The following NUDT4 variants were observed in gnomAD, a reference collection of about 807,000 sequenced individuals.
The protein encoded by NUDT4 is diphosphoinositol polyphosphate phosphohydrolase 2.
Under a neutral mutation model 23.1 loss-of-function variants are expected in NUDT4, and 5 were observed. The ratio of observed to expected loss-of-function variants is 0.22; its 90% CI spans 0.11 to 0.46. The LOEUF (loss-of-function observed/expected upper bound fraction) is 0.46. NUDT4 is among the 20% of genes least tolerant of loss of function. NUDT4 has a pLI of 0.99. For synonymous variants in NUDT4, 50 were observed against 79.0 expected (o/e 0.63, Z 1.95); for missense variants, 96 against 211.6 (o/e 0.45, Z 3.39).
At position 93,406,467 on chromosome 12, in the gene NUDT4, T is replaced by A. The variant is rs775876619; in HGVS notation, c.*7088T>A. 7.2e-5 allele frequency: 11 copies of A among 152,058 alleles called. No homozygotes were observed. Among genetic ancestry groups the A allele is most frequent in the Non-Finnish European group, 1.5e-4 (10 of 68,012 alleles). The allele number at this position is 152,058 out of a possible 1,614,324, so 9.4% of individuals were successfully genotyped here. ...AGCACCTGTGACTTTTATCTGTTGG[T>A]TTGTATTTAATCTTATTTTTAAGTG... On this transcript the variant is annotated 3_prime_UTR_variant, in exon 5 of 5. Coordinates refer to ENST00000415493, the MANE Select transcript of NUDT4 (RefSeq NM_019094.6).
At chr12:93,393,717 T>TA (rs1171551647) in intron 1 of NUDT4, among the ~76,000 whole-genome samples, 1 of 152,170 alleles carries the variant, frequency 6.6e-6, no homozygotes, top group Non-Finnish European at 1.5e-5. Context: ...AGCTGCCTGT[T>TA]AGAAGAATGA....
intron 2 of NUDT4, among the ~76,000 whole-genome samples, chr12:93,394,920 C>T (rs1160870634): frequency 6.6e-6 from 1 of 152,068 alleles, no homozygotes; most frequent in African/African-American, 2.4e-5. Flanking sequence ...GCGATCTTGG[C>T]TCACTGCCAC....
At chr12:93,398,281 G>T (rs569379826) in intron 3 of NUDT4, among the ~76,000 whole-genome samples, 4 of 150,538 alleles carry the variant, frequency 2.7e-5, no homozygotes, top group Non-Finnish European at 5.9e-5. Flanking sequence ...CAGAGATTGT[G>T]GGGGAGCTGA....
chr12:93,391,384 G>A (rs1292970641), intron 1 of NUDT4, among the ~76,000 whole-genome samples: 1 of 151,786 alleles, frequency 6.6e-6, no homozygotes, highest in African/African-American at 2.4e-5. Context: ...GGCCAACGTG[G>A]CGAAACCCCA....
rs1217941982 is a variant in NUDT4, at chr12:93,401,512, ATTTAT to A, written c.*2139_*2143del. The A allele has an allele frequency of 6.7e-6, 1 of 150,374 alleles. No individual in the cohort carries two copies. The highest frequency in any genetic ancestry group is 1.5e-5 in the Non-Finnish European group (1 of 67,116). The allele number at this position is 150,374 out of a possible 1,614,324, so 9.3% of individuals were successfully genotyped here. On this transcript the variant is annotated 3_prime_UTR_variant, in exon 5 of 5. Coordinates refer to ENST00000415493, the MANE Select transcript of NUDT4 (RefSeq NM_019094.6). ...GAGGTAATAAGGTAATGATGCATGA[ATTTAT>A]TTTATAAACTCTTGGACTATGTATT...
intron 1 of NUDT4, among the ~76,000 whole-genome samples, chr12:93,391,951 TCGGCTCA>T (rs1876539950): frequency 6.6e-6 from 1 of 152,120 alleles, no homozygotes; most frequent in South Asian, 2.1e-4. Context: ...TGGTGCAGTC[TCGGCTCA>T]CTGCAACCTT....
intron 4 of NUDT4, 77 bp from the exon 5 acceptor site, chr12:93,399,100 G>T: frequency 2.0e-6 from 2 of 998,400 alleles, no homozygotes; most frequent in Non-Finnish European, 3.2e-6. Context: ...CATTTATCGG[G>T]GAGTAAGTGG....
At chr12:93,398,562 C>T (rs1877110179) in intron 3 of NUDT4, among the ~76,000 whole-genome samples, 1 of 152,074 alleles carries the variant, frequency 6.6e-6, no homozygotes, top group Non-Finnish European at 1.5e-5. Flanking sequence ...AATGATGAAG[C>T]TCTAGTTCTA....
At position 93,405,607 on chromosome 12, in the gene NUDT4, T is replaced by C. The variant is rs1382172893; in HGVS notation, c.*6228T>C. On this transcript the variant is annotated 3_prime_UTR_variant, in exon 5 of 5. Coordinates refer to ENST00000415493, the MANE Select transcript of NUDT4 (RefSeq NM_019094.6). Reference sequence around the variant, plus strand: ...TACCATAAAGCCAACTCTTGGAATATACCTGACTTCCACGATAAAATGGAG... The same window carrying C: ...TACCATAAAGCCAACTCTTGGAATACACCTGACTTCCACGATAAAATGGAG... 4 of 152,192 alleles carry C rather than the reference T, an allele frequency of 2.6e-5. No homozygotes were observed. Among genetic ancestry groups the C allele is most frequent in the Admixed American group, 2.6e-4 (4 of 15,270 alleles). The allele number at this position is 152,192 out of a possible 1,614,324, so 9.4% of individuals were successfully genotyped here. A position where few individuals can be genotyped will look rare whatever the true frequency, so the allele number is the denominator to read the frequency against.
chr12:93,383,519 A>G (rs1384523879), intron 1 of NUDT4, among the ~76,000 whole-genome samples: 1 of 152,224 alleles, frequency 6.6e-6, no homozygotes, highest in Non-Finnish European at 1.5e-5. Flanking sequence ...TTGGAAAGAA[A>G]GAATAGCAAC....
rs1006018059 is a variant in NUDT4 at position 93,403,882 on chromosome 12, C to G, written c.*4503C>G. On this transcript the variant is annotated 3_prime_UTR_variant, in exon 5 of 5. Transcript: ENST00000415493. ...GGCCATTAAGGCCTATCTTAGCAAGCAAGACATTATAGCAAAGACCTAAAC... is the reference window on the plus strand; with the variant it reads ...GGCCATTAAGGCCTATCTTAGCAAGGAAGACATTATAGCAAAGACCTAAAC... The G allele has an allele frequency of 5.3e-5, 8 of 152,146 alleles. No homozygotes were observed. Among genetic ancestry groups the G allele is most frequent in the Admixed American group, 2.6e-4 (4 of 15,278 alleles). The allele number at this position is 152,146 out of a possible 1,614,324, so 9.4% of individuals were successfully genotyped here.
In NUDT4 at chr12:93,399,491, A is replaced by G; in HGVS notation, c.*112A>G. The G allele has an allele frequency of 4.4e-6, 2 of 454,822 alleles. No individual in the cohort carries two copies. Among genetic ancestry groups the G allele is most frequent in the Non-Finnish European group, 7.5e-6 (2 of 265,708 alleles). The allele number at this position is 454,822 out of a possible 1,614,324, so 28.2% of individuals were successfully genotyped here. ...TGCAAACTGTCTGAATTTGCCATGCAAGGTTTTCAAACAATTTGCATGTTT... is the reference window on the plus strand; with the variant it reads ...TGCAAACTGTCTGAATTTGCCATGCGAGGTTTTCAAACAATTTGCATGTTT... On this transcript the variant is annotated 3_prime_UTR_variant, in exon 5 of 5. Transcript: ENST00000415493.
intron 3 of NUDT4, among the ~76,000 whole-genome samples, chr12:93,395,749 T>G (rs2120954413): frequency 6.6e-6 from 1 of 152,220 alleles, no homozygotes; most frequent in Admixed American, 6.5e-5. Context: ...TAAGACAGAG[T>G]CTCGCTCTGT....
At chr12:93,386,613 T>C (rs1592717929) in intron 1 of NUDT4, among the ~76,000 whole-genome samples, 2 of 152,044 alleles carry the variant, frequency 1.3e-5, no homozygotes, top group African/African-American at 4.8e-5. Context: ...TAGTTGAGTT[T>C]TCCCACAGAG....
At chr12:93,398,438 T>TTTTTG (rs1877099840) in intron 3 of NUDT4, among the ~76,000 whole-genome samples, 1 of 151,626 alleles carries the variant, frequency 6.6e-6, no homozygotes, top group Admixed American at 6.6e-5. Context: ...GTAAGCTCAG[T>TTTTTG]TTTTGGGAAG....
At position 93,404,920 on chromosome 12, in the gene NUDT4, T is replaced by TAA. The variant is rs66529827; in HGVS notation, c.*5548_*5549dup. 9.2e-5 allele frequency: 13 copies of TAA among 140,688 alleles called. No individual in the cohort carries two copies. The highest frequency in any genetic ancestry group is 2.6e-4 in the African/African-American group (10 of 39,154). 8.7% of individuals were successfully genotyped at this position (140,688 alleles called of 1,614,324 possible). Reference sequence around the variant, plus strand: ...TTAATGTTTTAGGTTTTTTTTTTTTTAAAAAAAATACTATGCCCATTTGTT... The same window carrying TAA: ...TTAATGTTTTAGGTTTTTTTTTTTTTAAAAAAAAAATACTATGCCCATTTGTT... On this transcript the variant is annotated 3_prime_UTR_variant, in exon 5 of 5. Coordinates refer to ENST00000415493, the MANE Select transcript of NUDT4 (RefSeq NM_019094.6).
chr12:93,381,767 G>A (rs1004611006), intron 1 of NUDT4, among the ~76,000 whole-genome samples: 4 of 152,208 alleles, frequency 2.6e-5, no homozygotes, highest in East Asian at 1.9e-4. Flanking sequence ...AGGTTGAGAA[G>A]TTGCTACGCA....
intron 3 of NUDT4, among the ~76,000 whole-genome samples, chr12:93,396,866 C>A (rs1340508870): frequency 6.6e-6 from 1 of 152,128 alleles, no homozygotes; most frequent in African/African-American, 2.4e-5. Context: ...GGCACTCCAT[C>A]TCAAAAAACA....
intron 1 of NUDT4, among the ~76,000 whole-genome samples, chr12:93,380,772 C>G (rs903002156): frequency 6.6e-6 from 1 of 152,208 alleles, no homozygotes; most frequent in African/African-American, 2.4e-5. Context: ...TGCCTTCACT[C>G]TGTTGAAATT....
Sources: allele counts gnomAD v4.1 joint callset (sites outside exome capture counted in the v4.1 genomes callset), GRCh38; gene constraint gnomAD v4.1.1; transcripts MANE v1.5; gene names NCBI Gene and HGNC (gene_info 2026-07-23, HGNC 2026-07-21).